STS: variants seen among roughly 807,000 people sequenced by gnomAD.
The protein encoded by STS is steryl-sulfatase.
Under a neutral mutation model 26.8 loss-of-function variants are expected in STS, and 7 were observed. The ratio of observed to expected loss-of-function variants is 0.26; its 90% CI spans 0.15 to 0.49. The LOEUF (loss-of-function observed/expected upper bound fraction) is 0.49. Ranked by LOEUF, STS falls within the 20% of genes least tolerant of loss-of-function variation. The pLI, the probability that STS is intolerant of heterozygous loss-of-function variation, is 0.98. For synonymous variants in STS, 199 were observed against 189.4 expected, an observed-to-expected ratio of 1.05 and a Z score of -0.42; for missense variants, 434 against 465.6, an observed-to-expected ratio of 0.93 and a Z score of 0.63.
chrX:7,327,387 T>C (rs1247436585), intron 9 of STS, among the ~76,000 whole-genome samples: 1 of 107,553 alleles, frequency 9.3e-6, no homozygotes, highest in Admixed American at 1.0e-4. Context: ...TTTTTTTTTT[T>C]CTTTTTTTTT....
intron 2 of STS, among the ~76,000 whole-genome samples, chrX:7,223,489 A>G (rs1468596901): frequency 8.9e-6 from 1 of 111,834 alleles, no homozygotes; most frequent in Non-Finnish European, 1.9e-5. Flanking sequence ...CATTTCTCCG[A>G]TGATTAGTGG....
chrX:7,275,631 AAAC>A (rs754100029), intron 6 of STS, among the ~76,000 whole-genome samples: 33 of 111,469 alleles, frequency 3.0e-4, no homozygotes, highest in Middle Eastern at 4.7e-3. Flanking sequence ...GAACAGAATT[AAAC>A]AACAACAACA....
chrX:7,336,417 T>G (rs1267730150), intron 10 of STS, among the ~76,000 whole-genome samples: 1 of 111,874 alleles, frequency 8.9e-6, no homozygotes, highest in Admixed American at 9.5e-5. Flanking sequence ...TTTTTACAAC[T>G]TTTCCATAAA....
At chrX:7,329,817 G>T (rs767656216) in intron 9 of STS, among the ~76,000 whole-genome samples, 1 of 111,935 alleles carries the variant, frequency 8.9e-6, no homozygotes, top group South Asian at 3.8e-4. Flanking sequence ...ATCAAAGCAT[G>T]GTGGGAGATC....
intron 9 of STS, among the ~76,000 whole-genome samples, chrX:7,326,041 G>T (rs911572297): frequency 1.8e-5 from 2 of 111,704 alleles, no homozygotes; most frequent in Non-Finnish European, 3.8e-5. Flanking sequence ...TGGGGATCAG[G>T]GGTTTTGGTT....
At chrX:7,224,400 C>G (rs1030291992) in intron 2 of STS, among the ~76,000 whole-genome samples, 7 of 111,257 alleles carry the variant, frequency 6.3e-5, no homozygotes, top group African/African-American at 2.0e-4. Context: ...GTGCAATGGA[C>G]TGACTGTTTA....
At chrX:7,286,338 A>G (rs1458363550) in intron 7 of STS, among the ~76,000 whole-genome samples, 1 of 111,621 alleles carries the variant, frequency 9.0e-6, no homozygotes, top group Non-Finnish European at 1.9e-5. Context: ...CTCTTGGTAT[A>G]TGCTTGCAGT....
At chrX:7,150,150 T>G (rs1932982998) in intron 1 of STS, among the ~76,000 whole-genome samples, 1 of 112,418 alleles carries the variant, frequency 8.9e-6, no homozygotes, top group African/African-American at 3.2e-5. Context: ...TCAGAGTTAC[T>G]GTTATTTTTT....
intron 2 of STS, among the ~76,000 whole-genome samples, chrX:7,209,397 GTATT>G (rs1391733970): frequency 1.9e-5 from 2 of 103,784 alleles, no homozygotes; most frequent in Non-Finnish European, 3.9e-5. Flanking sequence ...GCATATATAT[GTATT>G]TATAGAAATA....
chrX:7,322,545 C>T (rs1011184356), intron 8 of STS, among the ~76,000 whole-genome samples: 22 of 111,593 alleles, frequency 2.0e-4, no homozygotes, highest in Non-Finnish European at 4.1e-4. Flanking sequence ...GGATTATAGG[C>T]GTGCGCCACC....
chrX:7,253,071 A>T lies in STS; in HGVS notation c.-4-125A>T, dbSNP rs1311285600. On this transcript the variant is annotated intron_variant, in intron 2 of 10. Coordinates refer to ENST00000674429, the MANE Select transcript of STS (RefSeq NM_001320752.2). ...GAGGCTGAGACAGGAGGATCGCTTA[A>T]ACCCAGGACTTCAAGGTTGCAGTGA... The T allele has an allele frequency of 5.0e-6, 4 of 803,623 alleles. No homozygotes were observed. The East Asian group carries it at 1.0e-4, about 21-fold the overall frequency. The allele number at this position is 803,623 out of a possible 1,213,427, so 66.2% of individuals were successfully genotyped here. A position where few individuals can be genotyped will look rare whatever the true frequency, so the allele number is the denominator to read the frequency against.
chrX:7,332,751 G>T (rs1346347592), intron 9 of STS, among the ~76,000 whole-genome samples: 1 of 111,689 alleles, frequency 9.0e-6, no homozygotes, highest in Non-Finnish European at 1.9e-5. Flanking sequence ...TTTCGGGATG[G>T]AAACAGTATT....
intron 2 of STS, among the ~76,000 whole-genome samples, chrX:7,242,403 G>A (rs777450457): frequency 9.3e-6 from 1 of 107,995 alleles, no homozygotes; most frequent in South Asian, 4.1e-4. Flanking sequence ...TAAGTACTAA[G>A]AACCCAGAAG....
rs372019195 is a variant in STS, at chrX:7,283,343, C to G, written c.943+7256C>G. On this transcript the variant is annotated intron_variant, in intron 7 of 10. Transcript: ENST00000674429. ...CTCAGAGAAGTGTGATCAGGGAATTCAGGAGCAAAGAGCATTTCAACGGAT... is the reference window on the plus strand; with the variant it reads ...CTCAGAGAAGTGTGATCAGGGAATTGAGGAGCAAAGAGCATTTCAACGGAT... Among the ~76,000 whole-genome samples the G allele has an allele frequency of 6.3e-5, 7 of 111,792 alleles. No homozygotes were observed. In the East Asian group the frequency reaches 2.0e-3, roughly 32 times the overall value.
At chrX:7,161,761 G>A (rs1384677348) in intron 1 of STS, among the ~76,000 whole-genome samples, 1 of 112,031 alleles carries the variant, frequency 8.9e-6, no homozygotes, top group African/African-American at 3.2e-5. Context: ...ATCACTAAAA[G>A]TGTTAAAATT....
intron 1 of STS, among the ~76,000 whole-genome samples, chrX:7,180,961 C>G (rs1340892798): frequency 8.9e-6 from 1 of 112,206 alleles, no homozygotes; most frequent in East Asian, 2.8e-4. Flanking sequence ...TGATGGCATG[C>G]TTCTAAATGC....
intron 8 of STS, 102 bp from the exon 9 acceptor site, chrX:7,325,237 G>A: frequency 1.2e-6 from 1 of 828,991 alleles, no homozygotes; most frequent in Non-Finnish European, 1.8e-6. Flanking sequence ...TGTAATTAGA[G>A]CAGTTGGTTC....
intron 8 of STS, among the ~76,000 whole-genome samples, chrX:7,307,797 C>T (rs1363202646): frequency 1.8e-5 from 2 of 111,872 alleles, no homozygotes; most frequent in African/African-American, 6.5e-5. Flanking sequence ...AGAGTTCAGT[C>T]CTCAGTTCCT....
At chrX:7,203,608 A>G (rs1345945140) in intron 2 of STS, among the ~76,000 whole-genome samples, 3 of 112,065 alleles carry the variant, frequency 2.7e-5, no homozygotes, top group South Asian at 7.5e-4. Context: ...TTATAAAAGT[A>G]AGTAGAACAT....
Sources: allele counts gnomAD v4.1 joint callset (sites outside exome capture counted in the v4.1 genomes callset), GRCh38; gene constraint gnomAD v4.1.1; transcripts MANE v1.5; gene names NCBI Gene and HGNC (gene_info 2026-07-23, HGNC 2026-07-21).